SMURF1: variants seen among roughly 807,000 people sequenced by gnomAD.
SMURF1 encodes the protein E3 ubiquitin-protein ligase SMURF1.
Under a neutral mutation model 98.0 loss-of-function variants are expected in SMURF1, and 44 were observed. The ratio of observed to expected loss-of-function variants is 0.45; its 90% CI spans 0.35 to 0.58. The LOEUF (loss-of-function observed/expected upper bound fraction) is 0.58. SMURF1 is among the 20% of genes least tolerant of loss of function. The pLI is 0.00. For missense variants in SMURF1, 687 were observed against 938.4 expected (o/e 0.73, Z 3.50); for synonymous variants, 396 against 374.9 (o/e 1.06, Z -0.65).
At chr7:99,093,282 C>T (rs1453414641) in intron 1 of SMURF1, among the ~76,000 whole-genome samples, 1 of 152,162 alleles carries the variant, frequency 6.6e-6, no homozygotes, top group East Asian at 1.9e-4. Context: ...AAATGAATTA[C>T]AAACTGGTTA....
intron 3 of SMURF1, 92 bp downstream of exon 3, chr7:99,060,507 C>CTT (rs11311529): frequency 2.6e-4 from 147 of 567,610 alleles, no homozygotes; most frequent in South Asian, 7.6e-4. Flanking sequence ...AAAAGTCATC[C>CTT]TTTTTTTTTT....
rs113200756 is a variant in SMURF1 at position 99,085,766 on chromosome 7, C to T, written c.56-23929G>A. ...TCTGTACTCTACCCGTTATTCTCCC[C>T]GTCCCCTTGGCAACTTCCAATCTTT... On this transcript the variant is annotated intron_variant, in intron 1 of 17. Coordinates refer to ENST00000361368, the MANE Select transcript of SMURF1 (RefSeq NM_181349.3). Among the ~76,000 whole-genome samples, 945 of 152,298 alleles carry T rather than the reference C, an allele frequency of 6.2e-3. 17 individuals are homozygous for T. The highest frequency in any genetic ancestry group is 0.021 in the African/African-American group (890 of 41,568).
At chr7:99,100,037 T>G (rs1797040014) in intron 1 of SMURF1, among the ~76,000 whole-genome samples, 1 of 151,976 alleles carries the variant, frequency 6.6e-6, no homozygotes, top group Non-Finnish European at 1.5e-5. Context: ...GAATCCTGGT[T>G]CTCACAGGTT....
At chr7:99,080,717 G>A (rs192432199) in intron 1 of SMURF1, among the ~76,000 whole-genome samples, 27 of 152,282 alleles carry the variant, frequency 1.8e-4, no homozygotes, top group Admixed American at 9.2e-4. Context: ...CATCCCAACT[G>A]AGTTGATGAG....
intron 9 of SMURF1, 46 bp downstream of exon 9, chr7:99,049,517 G>T: frequency 6.3e-7 from 1 of 1,583,162 alleles, no homozygotes; most frequent in South Asian, 1.1e-5. Flanking sequence ...GAAAGCATTC[G>T]ATTACCAATG....
chr7:99,134,591 A>G (rs1383868708), intron 1 of SMURF1, among the ~76,000 whole-genome samples: 1 of 152,210 alleles, frequency 6.6e-6, no homozygotes, highest in African/African-American at 2.4e-5. Context: ...AGATGCCAAT[A>G]TTGCTTTTTA....
Position 99,143,828 on chromosome 7 carries a change from A to AGCCCGGCCCG in SMURF1, c.-58_-49dup, listed in dbSNP as rs754575938. On this transcript the variant is annotated 5_prime_UTR_variant, in exon 1 of 18. Transcript: ENST00000361368. ...CGCGGATCCAGCGCCACCGCCCCCC[A>AGCCCGGCCCG]GCCCGGCCCGGCCCGGCCCCGCCGC... 5.5e-6 allele frequency: 8 copies of AGCCCGGCCCG among 1,442,350 alleles called. No homozygotes were observed. The highest frequency in any genetic ancestry group is 1.5e-5 in the African/African-American group (1 of 66,250). The allele number at this position is 1,442,350 out of a possible 1,614,324, so 89.3% of individuals were successfully genotyped here. A position where few individuals can be genotyped will look rare whatever the true frequency, so the allele number is the denominator to read the frequency against.
At chr7:99,060,989 T>C (rs1329936774) in intron 2 of SMURF1, among the ~76,000 whole-genome samples, 4 of 152,160 alleles carry the variant, frequency 2.6e-5, no homozygotes, top group Non-Finnish European at 2.9e-5. Context: ...ATTTAGACTT[T>C]CTAAAAATTA....
rs1412770384 is a variant in SMURF1 at position 99,028,942 on chromosome 7, C to T, written c.*1642G>A. 6.6e-6 allele frequency: 1 copy of T among 152,230 alleles called. No individual in the cohort carries two copies. Among genetic ancestry groups the T allele is most frequent in the Non-Finnish European group, 1.5e-5 (1 of 68,070 alleles). 9.4% of individuals were successfully genotyped at this position (152,230 alleles called of 1,614,324 possible). Reference sequence around the variant, plus strand: ...AGGAAGCATCATGGTGAATGAGACACAGGATGTGCCCACCTGTGGGGGCAA... The same window carrying T: ...AGGAAGCATCATGGTGAATGAGACATAGGATGTGCCCACCTGTGGGGGCAA... On this transcript the variant is annotated 3_prime_UTR_variant, in exon 18 of 18. Transcript: ENST00000361368.
Position 99,047,856 on chromosome 7 carries a change from C to G in SMURF1, c.980G>C (p.Ser327Thr). The change falls in exon 10 of 18, where the codon AGC (serine) becomes ACC (threonine). Residue 327 changes from serine (S) to threonine (T), a missense_variant. By Grantham distance (58) the Ser-to-Thr change is moderately conservative. Transcript: ENST00000361368. ...MNHQCQLKEP[S>T]QPLPLPSEGS... ...CTCACTGGGCAGTGGCAGCGGCTGG[C>G]TGGGCTCCTTGAGTTGGCACTGGTG... 9 of 1,614,084 alleles carry G rather than the reference C, an allele frequency of 5.6e-6. No individual in the cohort carries two copies. Among genetic ancestry groups the G allele is most frequent in the Non-Finnish European group, 6.8e-6 (8 of 1,180,042 alleles).
At chr7:99,036,339 A>G (rs1038401973) in intron 15 of SMURF1, 7 of 157,396 alleles carry the variant, frequency 4.4e-5, no homozygotes, top group Middle Eastern at 3.3e-3. Context: ...TTAGCCAGGC[A>G]TGATGACGTG....
At chr7:99,134,523 G>A (rs1797943186) in intron 1 of SMURF1, among the ~76,000 whole-genome samples, 1 of 151,998 alleles carries the variant, frequency 6.6e-6, no homozygotes, top group African/African-American at 2.4e-5. Context: ...AGACCTAAGA[G>A]GGGAAAAAAG....
intron 3 of SMURF1, among the ~76,000 whole-genome samples, chr7:99,059,323 G>A (rs1383756489): frequency 5.8e-4 from 83 of 143,516 alleles, no homozygotes; most frequent in Admixed American, 9.7e-4. Context: ...GCGTGAACCC[G>A]GGAGGCGGAG....
At chr7:99,090,397 G>A (rs976290532) in intron 1 of SMURF1, among the ~76,000 whole-genome samples, 2 of 152,178 alleles carry the variant, frequency 1.3e-5, no homozygotes, top group African/African-American at 2.4e-5. Context: ...AGCGATAGCA[G>A]GGTTGGAAGG....
intron 16 of SMURF1, 173 bp downstream of exon 16, chr7:99,035,342 C>T (rs748995550): frequency 3.0e-4 from 248 of 821,426 alleles, no homozygotes; most frequent in Non-Finnish European, 2.7e-4. Flanking sequence ...TGCTCACACA[C>T]GGCCCCTGCC....
chr7:99,114,474 C>T (rs748851606), intron 1 of SMURF1, among the ~76,000 whole-genome samples: 7 of 152,036 alleles, frequency 4.6e-5, no homozygotes, highest in Admixed American at 6.5e-5. Context: ...CAATTATAAG[C>T]ATATATGAAC....
chr7:99,036,973 A>G, intron 15 of SMURF1, 94 bp downstream of exon 15: 1 of 1,581,380 alleles, frequency 6.3e-7, no homozygotes, highest in Non-Finnish European at 8.6e-7. Context: ...CTTACTAGAA[A>G]GCGGCACACA....
At chr7:99,063,187 A>G (rs754804796) in intron 1 of SMURF1, among the ~76,000 whole-genome samples, 19 of 140,592 alleles carry the variant, frequency 1.4e-4, no homozygotes, top group Non-Finnish European at 2.4e-4. Context: ...CTATAGCTTT[A>G]TCAAGATATA....
At position 99,035,650 on chromosome 7, in the gene SMURF1, A is replaced by C; in HGVS notation, c.1876T>G (p.Cys626Gly). Residue 626 changes from cysteine to glycine, a missense_variant, in exon 16 of 18, where the codon TGT (cysteine) becomes GGT (glycine). Around this residue, in one of 2 missense-constraint regions of SMURF1, gnomAD observed 272 missense variants for 430.0 expected, o/e 0.63. Coordinates refer to ENST00000361368, the MANE Select transcript of SMURF1 (RefSeq NM_181349.3). The stretch of plus-strand genomic sequence containing the variant: ...CGCACGATGTTGCTGTCGGCCACAC[A>C]GTGCTTCAGCCGCGTGTTCGACTTC... ...DWKSNTRLKH[C>G]VADSNIVRWF... The C allele has an allele frequency of 6.2e-7, 1 of 1,614,216 alleles. No homozygotes were observed. Among genetic ancestry groups the C allele is most frequent in the African/African-American group, 1.3e-5 (1 of 75,052 alleles).
Sources: allele counts gnomAD v4.1 joint callset (sites outside exome capture counted in the v4.1 genomes callset), GRCh38; gene constraint gnomAD v4.1.1; regional missense constraint gnomAD v4.1.1; transcripts MANE v1.5; gene names NCBI Gene and HGNC (gene_info 2026-07-23, HGNC 2026-07-21).